The following EMCN variants were observed in gnomAD, a reference collection of about 807,000 sequenced individuals.
The protein encoded by EMCN is MUC-14.
Under a neutral mutation model 38.4 loss-of-function variants are expected in EMCN, and 37 were observed. The observed-to-expected ratio is 0.96, with a 90% CI of 0.74 to 1.27. EMCN has a LOEUF of 1.27. Ranked by LOEUF, EMCN falls within the 50% of genes most tolerant of loss-of-function variation. EMCN has a pLI of 0.00. For synonymous variants in EMCN, 95 were observed against 100.8 expected, an observed-to-expected ratio of 0.94 and a Z score of 0.35; for missense variants, 318 against 302.8, an observed-to-expected ratio of 1.05 and a Z score of -0.37.
At chr4:100,457,056 A>C (rs1279265428) in intron 4 of EMCN, among the ~76,000 whole-genome samples, 3 of 151,696 alleles carry the variant, frequency 2.0e-5, no homozygotes, top group African/African-American at 7.3e-5. Context: ...AAATGTTCCT[A>C]TTTATTTCGA....
chr4:100,399,025 A>C (rs997231940), intron 11 of EMCN, among the ~76,000 whole-genome samples: 5 of 152,190 alleles, frequency 3.3e-5, no homozygotes, highest in Non-Finnish European at 5.9e-5. Context: ...GTAATTAAAA[A>C]ATTTATGGGC....
intron 5 of EMCN, among the ~76,000 whole-genome samples, chr4:100,438,215 C>G (rs1474255695): frequency 6.6e-6 from 1 of 151,964 alleles, no homozygotes; most frequent in Non-Finnish European, 1.5e-5. Context: ...AGCATCTGGA[C>G]TTGTGATGGT....
chr4:100,422,060 G>C (rs113160171), intron 7 of EMCN, among the ~76,000 whole-genome samples: 7,020 of 151,674 alleles, frequency 0.046, 575 homozygotes, highest in African/African-American at 0.16. Flanking sequence ...TATTTCCAAG[G>C]TTAAAAGTAC....
intron 1 of EMCN, among the ~76,000 whole-genome samples, chr4:100,501,687 C>T (rs903829545): frequency 6.6e-6 from 1 of 152,098 alleles, no homozygotes; most frequent in Non-Finnish European, 1.5e-5. Flanking sequence ...TATTCTCATA[C>T]AAATAATGCA....
chr4:100,516,756 A>T (rs1729769638), intron 1 of EMCN, among the ~76,000 whole-genome samples: 1 of 152,068 alleles, frequency 6.6e-6, no homozygotes, highest in South Asian at 2.1e-4. Context: ...GGAGGGATGT[A>T]CTTATTTTCT....
In EMCN at chr4:100,397,432, A is replaced by G. The variant is rs534777081; in HGVS notation, c.*981T>C. 1.1e-4 allele frequency: 16 copies of G among 152,336 alleles called. No homozygotes were observed. In the South Asian group the frequency reaches 3.1e-3, roughly 30 times the overall value. The allele number at this position is 152,336 out of a possible 1,614,324, so 9.4% of individuals were successfully genotyped here. ...AAAATAATATCATAATTATGTATTT[A>G]TAAAGTGTTGATTTTCTACAAACTA... On this transcript the variant is annotated 3_prime_UTR_variant, in exon 12 of 12. Transcript: ENST00000296420.
At position 100,410,368 on chromosome 4, in the gene EMCN, G is replaced by A. The variant is rs200592077; in HGVS notation, c.752-13C>T. On this transcript the variant is annotated splice_polypyrimidine_tract_variant and intron_variant, in intron 10 of 11. Transcript: ENST00000296420. ...GCAGAGTGCTCACCTGAGAACAGAA[G>A]ATATGTTTTGATCTGTAAGCTCAGA... The A allele has an allele frequency of 6.2e-7, 1 of 1,612,782 alleles. No homozygotes were observed.
chr4:100,486,676 G>A (rs1242364271), intron 1 of EMCN, among the ~76,000 whole-genome samples: 3 of 152,242 alleles, frequency 2.0e-5, no homozygotes, highest in African/African-American at 4.8e-5. Flanking sequence ...TGCCAAGCCT[G>A]GCAGGCTCTG....
intron 3 of EMCN, among the ~76,000 whole-genome samples, chr4:100,471,798 G>A (rs1728487773): frequency 6.6e-6 from 1 of 151,972 alleles, no homozygotes; most frequent in Non-Finnish European, 1.5e-5. Flanking sequence ...AATATCATAT[G>A]CCACATTAAC....
At chr4:100,510,176 A>C (rs1729590327) in intron 1 of EMCN, among the ~76,000 whole-genome samples, 1 of 152,208 alleles carries the variant, frequency 6.6e-6, no homozygotes, top group Non-Finnish European at 1.5e-5. Context: ...GAGTAGTAAC[A>C]ATATTTGAGG....
intron 5 of EMCN, among the ~76,000 whole-genome samples, chr4:100,442,439 G>T (rs1243464618): frequency 2.0e-5 from 3 of 152,166 alleles, no homozygotes; most frequent in African/African-American, 7.2e-5. Context: ...TCTCTTTTAA[G>T]ATGTGGGAAA....
At chr4:100,514,548 C>T (rs1259591628) in intron 1 of EMCN, among the ~76,000 whole-genome samples, 1 of 152,000 alleles carries the variant, frequency 6.6e-6, no homozygotes, top group Non-Finnish European at 1.5e-5. Flanking sequence ...TCATATAATT[C>T]CCATACTCAA....
Position 100,447,519 on chromosome 4 carries a change from A to C in EMCN, c.415+14T>G, listed in dbSNP as rs766592271. On this transcript the variant is annotated intron_variant, in intron 5 of 11. Transcript: ENST00000296420. ...TGAAAATACTAAGAGAGAGACAGAG[A>C]AAAAAGAGCTTACCTGGTATTTCTG... 15 of 1,592,060 alleles carry C rather than the reference A, an allele frequency of 9.4e-6. No individual in the cohort carries two copies. Among genetic ancestry groups the C allele is most frequent in the Non-Finnish European group, 1.3e-5 (15 of 1,161,562 alleles).
chr4:100,462,868 T>C (rs896628874), intron 4 of EMCN, among the ~76,000 whole-genome samples: 2 of 152,044 alleles, frequency 1.3e-5, no homozygotes, highest in Non-Finnish European at 2.9e-5. Flanking sequence ...ATGATTACAA[T>C]AAAAAAGAGA....
intron 4 of EMCN, among the ~76,000 whole-genome samples, chr4:100,461,890 C>A (rs960365676): frequency 1.3e-5 from 2 of 152,136 alleles, no homozygotes; most frequent in African/African-American, 2.4e-5. Flanking sequence ...ATTTAACCAA[C>A]AGTAGATTGT....
chr4:100,437,276 A>C (rs1015834627), intron 5 of EMCN, among the ~76,000 whole-genome samples: 1 of 151,946 alleles, frequency 6.6e-6, no homozygotes, highest in Non-Finnish European at 1.5e-5. Context: ...TAATCATGCT[A>C]TTTGTCTTTC....
chr4:100,430,848 A>G (rs1181572530), intron 5 of EMCN, among the ~76,000 whole-genome samples: 3 of 152,180 alleles, frequency 2.0e-5, no homozygotes, highest in Admixed American at 2.0e-4. Flanking sequence ...TTTATTCTCA[A>G]TTAATTTTCT....
At chr4:100,456,216 T>C (rs1285412828) in intron 4 of EMCN, among the ~76,000 whole-genome samples, 1 of 152,164 alleles carries the variant, frequency 6.6e-6, no homozygotes, top group Non-Finnish European at 1.5e-5. Context: ...TTTCTGGTCT[T>C]TTTTCTCTCC....
At chr4:100,407,478 A>G (rs1594713) in intron 11 of EMCN, among the ~76,000 whole-genome samples, 140,947 of 152,204 alleles carry the variant, frequency 0.93, 65,324 homozygotes, top group African/African-American at 0.97. Context: ...TTTGCTTATG[A>G]GGTCTAGTTT....
Sources: gnomAD v4.1 joint callset for allele counts (sites outside exome capture counted in the v4.1 genomes callset) on GRCh38, gnomAD v4.1.1 for gene constraint, MANE v1.5 for transcripts, NCBI Gene and HGNC (gene_info 2026-07-23, HGNC 2026-07-21) for gene names.